The following ZNF169 variants were observed in gnomAD, a reference collection of about 807,000 sequenced individuals.
ZNF169 encodes zinc finger protein 169.
ZNF169 carries 11 observed loss-of-function variants against 12.0 expected under a neutral mutation model. That is an observed-to-expected ratio of 0.92 (90% CI 0.58 to 1.52). The LOEUF (loss-of-function observed/expected upper bound fraction) is 1.52, where lower values mean the gene tolerates loss of function less well. Ranked by LOEUF, ZNF169 falls within the 40% of genes most tolerant of loss-of-function variation. The pLI is 0.00. For missense variants in ZNF169, 722 were observed against 744.0 expected, an observed-to-expected ratio of 0.97 and a Z score of 0.34; for synonymous variants, 302 against 286.5, an observed-to-expected ratio of 1.05 and a Z score of -0.55.
At chr9:94,299,419 A>C (rs1831010926) in intron 4 of ZNF169, 2 of 640,582 alleles carry the variant, frequency 3.1e-6, no homozygotes, top group African/African-American at 3.8e-5. Flanking sequence ...CACCTTCAAG[A>C]TCATAATCAG....
At chr9:94,279,761 A>G (rs950604949) in intron 2 of ZNF169, among the ~76,000 whole-genome samples, 5 of 152,206 alleles carry the variant, frequency 3.3e-5, no homozygotes, top group African/African-American at 1.2e-4. Context: ...TAGCCACATT[A>G]GTTTTCTGTG....
In ZNF169 at chr9:94,292,480, T is replaced by C. The variant is rs1433841509; in HGVS notation, c.160+13T>C. 4 of 1,608,008 alleles carry C rather than the reference T, an allele frequency of 2.5e-6. No individual in the cohort carries two copies. The South Asian group carries it at 4.4e-5, about 18-fold the overall frequency. On this transcript the variant is annotated intron_variant, in intron 3 of 4. Transcript: ENST00000395395. ...CTGGTCTCCCTGGGTAAGGCTGGCC[T>C]GTTTAAGGTTTCAGATTCTGCTTGT...
In ZNF169 at chr9:94,279,684, T is replaced by C. The variant is rs1348752252; in HGVS notation, c.33+839T>C. Among the ~76,000 whole-genome samples, 4 of 152,262 alleles carry C rather than the reference T, an allele frequency of 2.6e-5. No individual in the cohort carries two copies. In the East Asian group the frequency reaches 5.8e-4, roughly 22 times the overall value. Reference sequence around the variant, plus strand: ...AAATGGGGCAAGAATCCTATCCCTTTTCAGGGATGAGATGACTGGCAGGCT... The same window carrying C: ...AAATGGGGCAAGAATCCTATCCCTTCTCAGGGATGAGATGACTGGCAGGCT... On this transcript the variant is annotated intron_variant, in intron 2 of 4. Transcript: ENST00000395395.
chr9:94,300,770 T>C lies in ZNF169; in HGVS notation c.1212T>C (p.Cys404=), dbSNP rs764702239. The part of the protein sequence containing the change: ...VTHSGEKPYV[C]AECGHSFRQK... ...ACTCAGGAGAGAAGCCTTATGTCTG[T>C]GCTGAGTGTGGGCACAGCTTTCGCC... is the stretch of plus-strand genomic sequence containing the variant. The change falls in exon 5 of 5, where the codon TGT becomes TGC. Residue 404 remains cysteine (C), a synonymous_variant. Coordinates refer to ENST00000395395, the MANE Select transcript of ZNF169 (RefSeq NM_194320.4). 4 of 1,611,870 alleles carry C rather than the reference T, an allele frequency of 2.5e-6. No homozygotes were observed. In the South Asian group the frequency reaches 4.4e-5, roughly 18 times the overall value.
intron 4 of ZNF169, chr9:94,293,296 C>A: frequency 1.7e-6 from 1 of 594,788 alleles, no homozygotes; most frequent in South Asian, 2.1e-5. Context: ...CCTCACTCCT[C>A]ACTTGGCTTC....
chr9:94,259,511 T>C (rs546650698), intron 1 of ZNF169, among the ~76,000 whole-genome samples, 166 bp downstream of exon 1: 43 of 152,316 alleles, frequency 2.8e-4, no homozygotes, highest in Middle Eastern at 3.4e-3. Context: ...GCGTGCGTGG[T>C]CCACCCCGGA....
intron 2 of ZNF169, among the ~76,000 whole-genome samples, chr9:94,283,702 G>A (rs1830676964): frequency 6.6e-6 from 1 of 152,078 alleles, no homozygotes; most frequent in South Asian, 2.1e-4. Flanking sequence ...AGGAAACCAT[G>A]GACATGGAAC....
At chr9:94,270,018 A>G (rs1011398459) in intron 1 of ZNF169, among the ~76,000 whole-genome samples, 1 of 152,212 alleles carries the variant, frequency 6.6e-6, no homozygotes, top group East Asian at 1.9e-4. Flanking sequence ...CAGACCCACA[A>G]TAAAATTTGT....
intron 1 of ZNF169, among the ~76,000 whole-genome samples, chr9:94,263,555 C>T (rs1830241190): frequency 6.7e-6 from 1 of 148,830 alleles, no homozygotes; most frequent in Non-Finnish European, 1.5e-5. Flanking sequence ...TAATCTGTGC[C>T]TTTTTTATTT....
rs566182054 is a variant in ZNF169 at position 94,297,066 on chromosome 9, T to A, written c.257-2749T>A. On this transcript the variant is annotated intron_variant, in intron 4 of 4. Transcript: ENST00000395395. ...CATCTCAAAATAAAATAAAATAAAA[T>A]AAAAAATCCTCCATCTTTGCTTTTT... Among the ~76,000 whole-genome samples, 10 of 151,526 alleles carry A rather than the reference T, an allele frequency of 6.6e-5. No individual in the cohort carries two copies. In the East Asian group the frequency reaches 1.7e-3, roughly 26 times the overall value.
Position 94,301,004 on chromosome 9 carries a change from G to T in ZNF169, c.1446G>T (p.Gly482=). Residue 482 remains glycine (G), a synonymous_variant, in exon 5 of 5, where the codon GGG becomes GGT. Coordinates refer to ENST00000395395, the MANE Select transcript of ZNF169 (RefSeq NM_194320.4). The part of the protein sequence containing the change: ...TLIRHQRTHT[G]EKPYLCPKCG... Reference sequence around the variant, plus strand: ...TCAGACACCAGAGGACACACACAGGGGAGAAGCCTTATCTGTGCCCCAAGT... The same window carrying T: ...TCAGACACCAGAGGACACACACAGGTGAGAAGCCTTATCTGTGCCCCAAGT... 1 of 1,613,688 alleles carries T rather than the reference G, an allele frequency of 6.2e-7. No individual in the cohort carries two copies. Among genetic ancestry groups the T allele is most frequent in the South Asian group, 1.1e-5 (1 of 91,070 alleles).
intron 2 of ZNF169, among the ~76,000 whole-genome samples, chr9:94,286,853 A>G (rs1027529192): frequency 5.3e-5 from 8 of 152,114 alleles, no homozygotes; most frequent in African/African-American, 1.7e-4. Context: ...TACCCTCTCC[A>G]CCCCAAAATG....
At chr9:94,273,579 CTTTT>C (rs56165942) in intron 1 of ZNF169, among the ~76,000 whole-genome samples, 4 of 119,166 alleles carry the variant, frequency 3.4e-5, no homozygotes, top group Admixed American at 9.8e-5. Context: ...TTCTTTCTTT[CTTTT>C]TTTTTTTTTT....
Position 94,300,332 on chromosome 9 carries a change from G to A in ZNF169, c.774G>A (p.Gly258=). ...TCAAGCACCAGAGGACACACACCGG[G>A]GAGAAGCCATACCTGTGTCCTGAGT... ...DLIKHQRTHT[G]EKPYLCPECG... is the part of the protein sequence containing the mutation. The change falls in exon 5 of 5, where the codon GGG becomes GGA. Residue 258 remains glycine (G), a synonymous_variant. Coordinates refer to ENST00000395395, the MANE Select transcript of ZNF169 (RefSeq NM_194320.4). 1 of 1,614,166 alleles carries A rather than the reference G, an allele frequency of 6.2e-7. No homozygotes were observed. The highest frequency in any genetic ancestry group is 8.5e-7 in the Non-Finnish European group (1 of 1,180,038).
chr9:94,276,567 T>G (rs1177936150), intron 1 of ZNF169, among the ~76,000 whole-genome samples: 1 of 152,110 alleles, frequency 6.6e-6, no homozygotes, highest in Non-Finnish European at 1.5e-5. Flanking sequence ...CCAATTTTTG[T>G]ATTTTTAGTA....
At chr9:94,293,768 T>G (rs1830896121) in intron 4 of ZNF169, 1 of 152,684 alleles carries the variant, frequency 6.5e-6, no homozygotes, top group Non-Finnish European at 1.5e-5. Context: ...ATTTCTATCC[T>G]GTAAATTCTC....
intron 2 of ZNF169, among the ~76,000 whole-genome samples, chr9:94,279,154 G>A (rs1013270624): frequency 2.0e-5 from 3 of 152,210 alleles, no homozygotes; most frequent in African/African-American, 7.2e-5. Flanking sequence ...TACTTTGGGA[G>A]GCCGAGGCGG....
At chr9:94,276,197 CAT>C (rs1830515246) in intron 1 of ZNF169, among the ~76,000 whole-genome samples, 2 of 152,164 alleles carry the variant, frequency 1.3e-5, no homozygotes, top group Admixed American at 6.5e-5. Flanking sequence ...AATATCTAAT[CAT>C]GTGCAGGTTT....
chr9:94,282,259 T>TA (rs113674447), intron 2 of ZNF169, among the ~76,000 whole-genome samples: 18,042 of 151,964 alleles, frequency 0.12, 1,675 homozygotes, highest in East Asian at 0.37. Flanking sequence ...TTGGGCAAGA[T>TA]AAAAAAAATC....
Sources: gnomAD v4.1 joint callset for allele counts (sites outside exome capture counted in the v4.1 genomes callset) on GRCh38, gnomAD v4.1.1 for gene constraint, MANE v1.5 for transcripts, NCBI Gene and HGNC (gene_info 2026-07-23, HGNC 2026-07-21) for gene names.